NDUFAF6: variants seen among roughly 807,000 people sequenced by gnomAD.
NDUFAF6 encodes NADH:ubiquinone oxidoreductase complex assembly factor 6.
A neutral mutation model predicts 40.8 loss-of-function variants in NDUFAF6; 45 were observed. The ratio of observed to expected loss-of-function variants is 1.10; its 90% confidence interval spans 0.87 to 1.42. The LOEUF (loss-of-function observed/expected upper bound fraction) is 1.42, where lower values mean the gene tolerates loss of function less well. NDUFAF6 is among the 40% of genes most tolerant of loss of function. The pLI is 0.00. For missense variants in NDUFAF6, 435 were observed against 418.5 expected, an observed-to-expected ratio of 1.04 and a Z score of -0.34; for synonymous variants, 185 against 155.9, an observed-to-expected ratio of 1.19 and a Z score of -1.39.
chr8:95,063,773 TA>T (rs1396129637), intron 9 of NDUFAF6, among the ~76,000 whole-genome samples: 3 of 152,128 alleles, frequency 2.0e-5, no homozygotes, highest in African/African-American at 7.2e-5. Context: ...GCTTTTTTTT[TA>T]AAACCTCAGG....
At chr8:95,107,844 A>G (rs4392868), downstream of NDUFAF6, among the ~76,000 whole-genome samples, 126,350 of 152,108 alleles carry the variant, frequency 0.83, 52,886 homozygotes, top group East Asian at 1. Flanking sequence ...TAACTGAATG[A>G]CCTGGAGTCA....
chr8:95,083,681 G>A (rs970452990), intron 2 of NDUFAF6, among the ~76,000 whole-genome samples: 1 of 152,124 alleles, frequency 6.6e-6, no homozygotes, highest in African/African-American at 2.4e-5. Context: ...CTTTATTAAT[G>A]CATTAATTAC....
chr8:95,062,613 C>T (rs1204279796), downstream of NDUFAF6, among the ~76,000 whole-genome samples: 2 of 152,138 alleles, frequency 1.3e-5, no homozygotes, highest in African/African-American at 4.8e-5. Context: ...TGCTTGTGAC[C>T]AATTGGTTCA....
upstream of NDUFAF6, among the ~76,000 whole-genome samples, chr8:95,098,715 T>C (rs924613008): frequency 7.9e-5 from 12 of 151,304 alleles, no homozygotes; most frequent in Admixed American, 5.3e-4. Flanking sequence ...CTATGAACAT[T>C]TTGCAAAAGT....
At chr8:95,048,140 G>C (rs916784642) in intron 6 of NDUFAF6, among the ~76,000 whole-genome samples, 1 of 152,118 alleles carries the variant, frequency 6.6e-6, no homozygotes, top group Non-Finnish European at 1.5e-5. Flanking sequence ...GCTATAATGA[G>C]CCATGATTGC....
chr8:94,985,169 A>G (rs979199612), intron 2 of NDUFAF6, among the ~76,000 whole-genome samples: 32 of 151,956 alleles, frequency 2.1e-4, no homozygotes, highest in African/African-American at 6.8e-4. Context: ...TCTATAGCAA[A>G]AACTTCTTTT....
exon 3 of NDUFAF6, chr8:95,103,403 AT>A (rs1163933950): frequency 1.3e-5 from 2 of 152,208 alleles, no homozygotes; most frequent in Non-Finnish European, 2.9e-5. Context: ...AATAATAATA[AT>A]GCCTGTTTGA....
chr8:94,999,977 A>T (rs554738041), intron 2 of NDUFAF6, among the ~76,000 whole-genome samples: 15 of 152,112 alleles, frequency 9.9e-5, no homozygotes, highest in Admixed American at 3.9e-4. Flanking sequence ...TGACAGGCTG[A>T]TGGGGGAGGA....
rs559300492 is a variant in NDUFAF6, at chr8:95,015,657, GAAATTGC to G, written c.-83-16333_-83-16327del. On this transcript the variant is annotated intron_variant, in intron 2 of 9. Coordinates refer to the NDUFAF6 transcript ENST00000396111. ...ATTCATATTGATAGGCACTGTGTTG[GAAATTGC>G]AAATATAGTAGAAGAACCAAACAAA... Among the ~76,000 whole-genome samples, 23 of 152,296 alleles carry G rather than the reference GAAATTGC, an allele frequency of 1.5e-4. No individual in the cohort carries two copies. In the South Asian group the frequency reaches 4.8e-3, roughly 32 times the overall value.
chr8:94,904,714 C>G (rs1818277201), intron 1 of NDUFAF6, among the ~76,000 whole-genome samples: 1 of 151,770 alleles, frequency 6.6e-6, no homozygotes, highest in Admixed American at 6.6e-5. Context: ...TTCTGTATTT[C>G]TTTCCTGTTT....
intron 1 of NDUFAF6, among the ~76,000 whole-genome samples, chr8:94,972,876 C>T (rs535867518): frequency 1.1e-4 from 16 of 151,944 alleles, no homozygotes; most frequent in Admixed American, 3.3e-4. Flanking sequence ...GCAGCCTGGA[C>T]GACAGAGCAA....
At chr8:94,985,470 TATATATATATATATATATATA>T (rs1563770409) in intron 2 of NDUFAF6, among the ~76,000 whole-genome samples, 1 of 910 alleles carries the variant, frequency 1.1e-3, no homozygotes, top group Non-Finnish European at 2.1e-3. Context: ...ACAATAATTA[TATATATATATATATATATATA>T]TATATATATA....
At chr8:95,112,326 A>G (rs1051131828) in intron 4 of NDUFAF6, among the ~76,000 whole-genome samples, 3 of 152,194 alleles carry the variant, frequency 2.0e-5, no homozygotes, top group African/African-American at 4.8e-5. Context: ...TGAGATCATC[A>G]TGGGTTTAGG....
chr8:94,946,219 T>C (rs948180158), intron 2 of NDUFAF6, among the ~76,000 whole-genome samples: 1 of 152,162 alleles, frequency 6.6e-6, no homozygotes, highest in African/African-American at 2.4e-5. Context: ...GGTTTTCATA[T>C]TATTACATGA....
rs1213923917 is a variant in NDUFAF6, at chr8:95,057,824, TTTC to T, written c.891_893del (p.Phe297del). On this transcript the variant is annotated inframe_deletion, in exon 9 of 9. Transcript: ENST00000396124. ...TTTTTTCCAGGTTTCTCTAGAGGAC[TTTC>T]TAAAGAAAATTCAGCGAGTGGATTT... The T allele has an allele frequency of 6.8e-6, 11 of 1,612,586 alleles. No individual in the cohort carries two copies. Among genetic ancestry groups the T allele is most frequent in the Non-Finnish European group, 9.3e-6 (11 of 1,178,960 alleles).
intron 2 of NDUFAF6, among the ~76,000 whole-genome samples, chr8:95,033,186 A>C (rs1429049450): frequency 1.3e-5 from 2 of 152,022 alleles, no homozygotes; most frequent in Non-Finnish European, 2.9e-5. Flanking sequence ...GGAACTGTAC[A>C]TGTGCCACTA....
chr8:95,091,324 G>A (rs1809243178), intron 2 of NDUFAF6, among the ~76,000 whole-genome samples: 1 of 152,066 alleles, frequency 6.6e-6, no homozygotes, highest in Admixed American at 6.5e-5. Flanking sequence ...AGTGAGGAGG[G>A]AAAGGGGAAG....
downstream of NDUFAF6, chr8:95,078,662 A>AATATATATATATAT (rs57127319): frequency 2.5e-3 from 301 of 121,006 alleles, 3 homozygotes; most frequent in African/African-American, 9.2e-3. Context: ...AAAAAAAAAA[A>AATATATATATATAT]ATATATATAT....
At chr8:95,020,985 A>G (rs1480852893), upstream of NDUFAF6, among the ~76,000 whole-genome samples, 1 of 152,196 alleles carries the variant, frequency 6.6e-6, no homozygotes, top group Non-Finnish European at 1.5e-5. Context: ...TTTTGTGGTG[A>G]CAAGGACAAA....
Sources: gnomAD v4.1 joint callset for allele counts (sites outside exome capture counted in the v4.1 genomes callset) on GRCh38, gnomAD v4.1.1 for gene constraint, MANE v1.5 for transcripts, NCBI Gene and HGNC (gene_info 2026-07-23, HGNC 2026-07-21) for gene names.